Variants in ADGRL4 observed in about 807,000 individuals in gnomAD.
The protein encoded by ADGRL4 is EGF, latrophilin and seven transmembrane domain containing 1.
In ADGRL4, 90 loss-of-function variants were observed where a neutral mutation model predicts 74.8. The ratio of observed to expected loss-of-function variants is 1.20; its 90% confidence interval spans 1.02 to 1.43. The LOEUF (loss-of-function observed/expected upper bound fraction) is 1.43. ADGRL4 is among the 40% of genes most tolerant of loss of function. ADGRL4 has a pLI of 0.00. For synonymous variants in ADGRL4, 311 were observed against 279.2 expected (o/e 1.11, Z -1.14); for missense variants, 881 against 814.3 (o/e 1.08, Z -1.00).
intron 1 of ADGRL4, 24 bp downstream of exon 1, chr1:79,006,609 C>A (rs1325155829): frequency 6.5e-7 from 1 of 1,535,650 alleles, no homozygotes; most frequent in South Asian, 1.2e-5. Flanking sequence ...ACGACCTCGG[C>A]GACCAGGGGC....
intron 12 of ADGRL4, among the ~76,000 whole-genome samples, chr1:78,915,389 A>G (rs1648850237): frequency 6.6e-6 from 1 of 151,920 alleles, no homozygotes; most frequent in Non-Finnish European, 1.5e-5. Flanking sequence ...CATTCTAGCA[A>G]TGTGAGATCA....
At chr1:78,987,657 T>C (rs1469003236) in intron 2 of ADGRL4, among the ~76,000 whole-genome samples, 2 of 151,796 alleles carry the variant, frequency 1.3e-5, no homozygotes, top group East Asian at 1.9e-4. Context: ...ATAGTTAGGT[T>C]CGAACCTTAC....
chr1:78,963,508 T>C (rs376478165), intron 2 of ADGRL4, among the ~76,000 whole-genome samples: 3 of 152,182 alleles, frequency 2.0e-5, no homozygotes, highest in East Asian at 1.9e-4. Flanking sequence ...AAACATCTAA[T>C]TGGATGTGTA....
At chr1:78,979,566 A>C (rs925146243) in intron 2 of ADGRL4, among the ~76,000 whole-genome samples, 2 of 152,120 alleles carry the variant, frequency 1.3e-5, no homozygotes, top group African/African-American at 4.8e-5. Flanking sequence ...CCAAAGGAAA[A>C]GATGTCATAA....
At chr1:78,907,018 C>T (rs762109024) in intron 12 of ADGRL4, among the ~76,000 whole-genome samples, 24 of 151,874 alleles carry the variant, frequency 1.6e-4, no homozygotes, top group Non-Finnish European at 3.4e-4. Flanking sequence ...ATCAGAAATT[C>T]AGGGCATGGA....
Position 78,917,869 on chromosome 1 carries a change from G to A in ADGRL4, c.1643C>T (p.Ser548Leu), listed in dbSNP as rs191635062. ...ATAATATCTGTATCCTAGTGCTGCC[G>A]AAAATCCAACTACCACGGCTGGGCT... ...YLSPAVVVGF[S>L]AALGYRYYGT... Residue 548 changes from serine to leucine, a missense_variant, in exon 11 of 15, where the codon TCG becomes TTG. Ser to Leu is a moderately radical substitution (Grantham distance 145). Coordinates refer to ENST00000370742, the MANE Select transcript of ADGRL4 (RefSeq NM_022159.4). 579 of 1,612,462 alleles carry A rather than the reference G, an allele frequency of 3.6e-4. No homozygotes were observed. The highest frequency in any genetic ancestry group is 4.7e-4 in the Non-Finnish European group (557 of 1,179,062).
intron 2 of ADGRL4, among the ~76,000 whole-genome samples, chr1:78,946,921 T>C (rs563314263): frequency 4.1e-4 from 63 of 152,306 alleles, no homozygotes; most frequent in Non-Finnish European, 6.0e-4. Flanking sequence ...ATTAATGCAT[T>C]TATTTACAAC....
intron 2 of ADGRL4, among the ~76,000 whole-genome samples, chr1:78,957,092 G>A (rs1395331568): frequency 6.6e-6 from 1 of 152,092 alleles, no homozygotes; most frequent in Non-Finnish European, 1.5e-5. Flanking sequence ...CATGAACCAT[G>A]CCCATATAAG....
At chr1:78,912,310 T>C (rs1250785233) in intron 12 of ADGRL4, among the ~76,000 whole-genome samples, 1 of 151,824 alleles carries the variant, frequency 6.6e-6, no homozygotes, top group Non-Finnish European at 1.5e-5. Context: ...CAGAAAAACT[T>C]GAAAACTGAG....
At chr1:78,913,754 C>A (rs1311461515) in intron 12 of ADGRL4, among the ~76,000 whole-genome samples, 2 of 151,826 alleles carry the variant, frequency 1.3e-5, no homozygotes, top group African/African-American at 2.4e-5. Flanking sequence ...AAAACCTGCA[C>A]ATGTACCCTT....
chr1:78,976,035 G>C (rs561780575), intron 2 of ADGRL4, among the ~76,000 whole-genome samples: 1 of 152,084 alleles, frequency 6.6e-6, no homozygotes, highest in East Asian at 1.9e-4. Context: ...GACTGCCCCA[G>C]CTTACTGCTT....
chr1:78,931,904 C>T (rs570620645), intron 7 of ADGRL4, among the ~76,000 whole-genome samples: 3 of 151,256 alleles, frequency 2.0e-5, no homozygotes, highest in East Asian at 1.9e-4. Context: ...TATATGCACC[C>T]GATACAGGAG....
chr1:78,945,499 C>A (rs950847753), intron 3 of ADGRL4, among the ~76,000 whole-genome samples: 7 of 151,930 alleles, frequency 4.6e-5, no homozygotes, highest in African/African-American at 1.7e-4. Flanking sequence ...GTCTTTGGCT[C>A]CAGAGAATTT....
At chr1:78,957,811 C>G (rs1229979925) in intron 2 of ADGRL4, among the ~76,000 whole-genome samples, 1 of 152,148 alleles carries the variant, frequency 6.6e-6, no homozygotes, top group Non-Finnish European at 1.5e-5. Flanking sequence ...AAACAGCCTT[C>G]TATTGGAAGA....
intron 2 of ADGRL4, among the ~76,000 whole-genome samples, chr1:78,999,825 T>TATCA (rs1278322307): frequency 6.7e-6 from 1 of 150,224 alleles, no homozygotes; most frequent in Non-Finnish European, 1.5e-5. Context: ...TCTATCTATC[T>TATCA]ATCTATCTAT....
intron 9 of ADGRL4, 56 bp downstream of exon 9, chr1:78,921,557 C>CG (rs2100672904): frequency 8.9e-7 from 1 of 1,119,810 alleles, no homozygotes; most frequent in Non-Finnish European, 1.2e-6. Flanking sequence ...TCGAATGATG[C>CG]GGAAAAAAAA....
At position 78,890,028 on chromosome 1, in the gene ADGRL4, C is replaced by T. The variant is rs1296850363; in HGVS notation, c.*1126G>A. The T allele has an allele frequency of 1.0e-5, 2 of 194,212 alleles. No homozygotes were observed. Among genetic ancestry groups the T allele is most frequent in the African/African-American group, 2.4e-5 (1 of 41,868 alleles). The allele number at this position is 194,212 out of a possible 1,614,324, so 12.0% of individuals were successfully genotyped here. A position where few individuals can be genotyped will look rare whatever the true frequency, so the allele number is the denominator to read the frequency against. The stretch of plus-strand genomic sequence containing the variant: ...CAGAAAATGGATCCACTGTGAAAAC[C>T]TCTACAGTTCTCCATGATTTCTTTG... On this transcript the variant is annotated 3_prime_UTR_variant, in exon 15 of 15. Coordinates refer to ENST00000370742, the MANE Select transcript of ADGRL4 (RefSeq NM_022159.4).
At chr1:78,920,079 C>T in intron 10 of ADGRL4, 104 bp downstream of exon 10, 1 of 817,290 alleles carries the variant, frequency 1.2e-6, no homozygotes, top group Non-Finnish European at 1.8e-6. Context: ...TAGAGAACGT[C>T]TGCCCCATTA....
At position 79,001,177 on chromosome 1, in the gene ADGRL4, G is replaced by A. The variant is rs12727703; in HGVS notation, c.172+3893C>T. 1.7e-3 allele frequency among the ~76,000 whole-genome samples: 25 copies of A among 14,508 alleles called. 1 individual carries two copies. The highest frequency in any genetic ancestry group is 7.5e-3 in the South Asian group (3 of 402). 9.5% of individuals were successfully genotyped at this position (14,508 alleles called of 152,430 possible). ...ACAGAAGGAAGGAAGGAAGGGAGAG[G>A]GGGGGGAGGGAGGGAGGAAGGAAGG... On this transcript the variant is annotated intron_variant, in intron 2 of 14. Transcript: ENST00000370742.
Sources: allele counts gnomAD v4.1 joint callset (sites outside exome capture counted in the v4.1 genomes callset), GRCh38; gene constraint gnomAD v4.1.1; transcripts MANE v1.5; gene names NCBI Gene and HGNC (gene_info 2026-07-23, HGNC 2026-07-21).